Variants in TGM4 observed in about 807,000 individuals in gnomAD.
TGM4 encodes transglutaminase 4, also known as protein-glutamine gamma-glutamyltransferase 4.
TGM4 carries 61 observed loss-of-function variants against 76.3 expected under a neutral mutation model. That is an observed-to-expected ratio of 0.80 (90% CI 0.65 to 0.99). The LOEUF (loss-of-function observed/expected upper bound fraction) is 0.99, where lower values mean the gene tolerates loss of function less well. Among genes scored for constraint, TGM4 ranks in the 50% least tolerant of loss-of-function variants. The pLI, the probability that TGM4 is intolerant of heterozygous loss-of-function variation, is 0.00. For synonymous variants in TGM4, 337 were observed against 329.8 expected, an observed-to-expected ratio of 1.02 and a Z score of -0.24; for missense variants, 794 against 843.2, an observed-to-expected ratio of 0.94 and a Z score of 0.72.
intron 1 of TGM4, among the ~76,000 whole-genome samples, chr3:44,875,743 G>C (rs1699443255): frequency 6.6e-6 from 1 of 152,218 alleles, no homozygotes; most frequent in Admixed American, 6.5e-5. Flanking sequence ...ACTCTGCAAA[G>C]GGACTAAGCC....
rs1041788967 is a variant in TGM4, at chr3:44,914,969, A to G, written c.*1244A>G. ...CATCCCTGGCATACAGTAGGTGTTCAATAAATGTTTATTGAAGGAAAGGTG... is the reference window on the plus strand; with the variant it reads ...CATCCCTGGCATACAGTAGGTGTTCGATAAATGTTTATTGAAGGAAAGGTG... On this transcript the variant is annotated 3_prime_UTR_variant, in exon 14 of 14. Transcript: ENST00000296125. 1.3e-5 allele frequency: 2 copies of G among 152,210 alleles called. No individual in the cohort carries two copies. The highest frequency in any genetic ancestry group is 2.4e-5 in the African/African-American group (1 of 41,422). The allele number at this position is 152,210 out of a possible 1,614,324, so 9.4% of individuals were successfully genotyped here. A position where few individuals can be genotyped will look rare whatever the true frequency, so the allele number is the denominator to read the frequency against.
chr3:44,878,449 TTTATTATTATTA>T (rs199498412), intron 1 of TGM4, among the ~76,000 whole-genome samples: 74 of 75,470 alleles, frequency 9.8e-4, no homozygotes, highest in South Asian at 6.9e-3. Flanking sequence ...TTACTTTTGT[TTTATTATTATTA>T]TTATTATTAT....
chr3:44,902,137 A>G (rs1273252376), intron 8 of TGM4, among the ~76,000 whole-genome samples: 2 of 152,148 alleles, frequency 1.3e-5, no homozygotes, highest in East Asian at 1.9e-4. Context: ...GCCCAAGCCC[A>G]GTCTCCAGGC....
chr3:44,907,181 T>C lies in TGM4; in HGVS notation c.1308T>C (p.Tyr436=), dbSNP rs761421981. 5 of 1,613,946 alleles carry C rather than the reference T, an allele frequency of 3.1e-6. No individual in the cohort carries two copies. Among genetic ancestry groups the C allele is most frequent in the Middle Eastern group, 1.6e-4 (1 of 6,062 alleles). The change falls in exon 10 of 14, where the codon TAT becomes TAC. Residue 436 remains tyrosine, a synonymous_variant. Coordinates refer to ENST00000296125, the MANE Select transcript of TGM4 (RefSeq NM_003241.4). ...VGQDRRRDIT[Y]EYKYPEGSSE... is the part of the protein sequence containing the mutation. ...AAGACAGGCGGAGAGATATCACCTA[T>C]GAGTACAAGTATCCAGAAGGTGCTA...
intron 5 of TGM4, 134 bp from the exon 6 acceptor site, chr3:44,896,575 T>A: frequency 1.3e-6 from 1 of 743,662 alleles, no homozygotes. Flanking sequence ...TGTGGTGGAC[T>A]TTTTTATGAG....
At chr3:44,906,398 A>AAAAT (rs991446708) in intron 9 of TGM4, among the ~76,000 whole-genome samples, 24 of 152,328 alleles carry the variant, frequency 1.6e-4, no homozygotes, top group African/African-American at 4.6e-4. Context: ...ACAAAAATGA[A>AAAAT]AAATAAATAA....
At chr3:44,898,221 C>G (rs1255219742) in intron 6 of TGM4, among the ~76,000 whole-genome samples, 2 of 146,252 alleles carry the variant, frequency 1.4e-5, no homozygotes, top group East Asian at 4.1e-4. Flanking sequence ...GCAGAGGTTG[C>G]AGTGAGCCAA....
chr3:44,909,254 T>G (rs182628016), intron 10 of TGM4, among the ~76,000 whole-genome samples: 132 of 152,330 alleles, frequency 8.7e-4, no homozygotes, highest in Non-Finnish European at 2.2e-4. Flanking sequence ...CAGTTAGAGG[T>G]GAGAGCCTTA....
At chr3:44,889,558 T>A (rs1699660789) in intron 3 of TGM4, among the ~76,000 whole-genome samples, 3 of 152,168 alleles carry the variant, frequency 2.0e-5, no homozygotes, top group African/African-American at 7.2e-5. Flanking sequence ...AGCCTATTGC[T>A]CCTATGAGTT....
chr3:44,903,823 A>C, intron 8 of TGM4, 61 bp from the exon 9 acceptor site: 2 of 1,481,148 alleles, frequency 1.4e-6, no homozygotes, highest in South Asian at 2.3e-5. Flanking sequence ...ATTTTGGCGT[A>C]TTTATCTCTA....
At chr3:44,879,136 A>T (rs540192014) in intron 1 of TGM4, among the ~76,000 whole-genome samples, 1 of 151,326 alleles carries the variant, frequency 6.6e-6, no homozygotes, top group Non-Finnish European at 1.5e-5. Context: ...GTTATGTTTT[A>T]AAAAATTTAT....
intron 2 of TGM4, among the ~76,000 whole-genome samples, chr3:44,887,063 T>C (rs1699618072): frequency 6.6e-6 from 1 of 152,200 alleles, no homozygotes; most frequent in Admixed American, 6.5e-5. Flanking sequence ...GAGACAACAC[T>C]TGTGTCACAT....
At position 44,896,740 on chromosome 3, in the gene TGM4, C is replaced by T. The variant is rs1559615462; in HGVS notation, c.581C>T (p.Ser194Phe). 2 of 1,614,162 alleles carry T rather than the reference C, an allele frequency of 1.2e-6. No homozygotes were observed. The highest frequency in any genetic ancestry group is 1.7e-6 in the Non-Finnish European group (2 of 1,180,022). ...AAAAATGTCCTGGACTGCTGCATTT[C>T]CCTGCTGACTGAGAGCTCCCTCAAG... ...FEKNVLDCCI[S>F]LLTESSLKPT... Residue 194 changes from serine (S) to phenylalanine (F), a missense_variant, in exon 6 of 14, where the codon TCC becomes TTC. By Grantham distance (155) the Ser-to-Phe change is radical. Transcript: ENST00000296125.
chr3:44,876,010 G>A lies in TGM4; in HGVS notation c.19+1313G>A, dbSNP rs553225479. Among the ~76,000 whole-genome samples the A allele has an allele frequency of 5.3e-5, 8 of 152,282 alleles. No homozygotes were observed. In the East Asian group the frequency reaches 7.7e-4, roughly 15 times the overall value. On this transcript the variant is annotated intron_variant, in intron 1 of 13. Transcript: ENST00000296125. Reference sequence around the variant, plus strand: ...GCTTTGGGCAGGTTACATCAATCCCGTGAAAGCACTATATAAATTACTGAG... The same window carrying A: ...GCTTTGGGCAGGTTACATCAATCCCATGAAAGCACTATATAAATTACTGAG...
At chr3:44,890,932 C>T (rs1205284318) in intron 4 of TGM4, among the ~76,000 whole-genome samples, 200 bp downstream of exon 4, 1 of 152,180 alleles carries the variant, frequency 6.6e-6, no homozygotes, top group African/African-American at 2.4e-5. Context: ...GGTCCTTATT[C>T]CCTGTTTCCA....
intron 6 of TGM4, among the ~76,000 whole-genome samples, chr3:44,900,219 C>T (rs532510212): frequency 6.6e-6 from 1 of 152,310 alleles, no homozygotes; most frequent in South Asian, 2.1e-4. Flanking sequence ...CAGGCTGGGG[C>T]CGCTTAATTT....
intron 2 of TGM4, among the ~76,000 whole-genome samples, chr3:44,885,943 G>T (rs1181401063): frequency 6.6e-6 from 1 of 152,216 alleles, no homozygotes; most frequent in Non-Finnish European, 1.5e-5. Flanking sequence ...AAATATATGT[G>T]CATAAGTACA....
At chr3:44,899,818 C>T (rs917856029) in intron 6 of TGM4, among the ~76,000 whole-genome samples, 1 of 152,224 alleles carries the variant, frequency 6.6e-6, no homozygotes, top group Admixed American at 6.5e-5. Context: ...CAGGCTCACT[C>T]ACCTAGCTGC....
At position 44,888,115 on chromosome 3, in the gene TGM4, ATCCT is replaced by A. The variant is rs1699638421; in HGVS notation, c.300+328_300+331del. 12 of 288,404 alleles carry A rather than the reference ATCCT, an allele frequency of 4.2e-5. No individual in the cohort carries two copies. The South Asian group carries it at 6.9e-4, about 17-fold the overall frequency. 17.9% of individuals were successfully genotyped at this position (288,404 alleles called of 1,614,324 possible). On this transcript the variant is annotated intron_variant, in intron 3 of 13. Transcript: ENST00000296125. ...CATGGTTCCACCAACTAAGTTACCCATCCTTCCTTCCAGGCTTTTTCTGTGTCAT... is the reference window on the plus strand; with the variant it reads ...CATGGTTCCACCAACTAAGTTACCCATCCTTCCAGGCTTTTTCTGTGTCAT...
Sources: allele counts gnomAD v4.1 joint callset (sites outside exome capture counted in the v4.1 genomes callset), GRCh38; gene constraint gnomAD v4.1.1; transcripts MANE v1.5; gene names NCBI Gene and HGNC (gene_info 2026-07-23, HGNC 2026-07-21).